The following GPC5 variants were observed in gnomAD, a reference collection of about 807,000 sequenced individuals.
GPC5 encodes the protein glypican-5.
In GPC5, 47 loss-of-function variants were observed where a neutral mutation model predicts 53.9. That is an observed-to-expected ratio of 0.87 (90% CI 0.69 to 1.11). The LOEUF (loss-of-function observed/expected upper bound fraction) is 1.11. GPC5 is among the 50% of genes most tolerant of loss of function. The pLI, the probability that GPC5 is intolerant of heterozygous loss-of-function variation, is 0.00. For synonymous variants in GPC5, 286 were observed against 263.3 expected (o/e 1.09, Z -0.84); for missense variants, 748 against 713.1 (o/e 1.05, Z -0.56).
At chr13:91,679,894 T>G (rs1008817806) in intron 2 of GPC5, among the ~76,000 whole-genome samples, 2 of 151,496 alleles carry the variant, frequency 1.3e-5, no homozygotes, top group Non-Finnish European at 2.9e-5. Flanking sequence ...TGCAATTGAG[T>G]TGCAAGCTGA....
At chr13:92,617,607 G>A (rs1884736302) in intron 7 of GPC5, among the ~76,000 whole-genome samples, 1 of 152,042 alleles carries the variant, frequency 6.6e-6, no homozygotes, top group South Asian at 2.1e-4. Context: ...CATTTCACTT[G>A]ATATGTATTT....
At chr13:91,797,671 C>T (rs1324806074) in intron 5 of GPC5, among the ~76,000 whole-genome samples, 1 of 152,170 alleles carries the variant, frequency 6.6e-6, no homozygotes, top group Non-Finnish European at 1.5e-5. Context: ...TCAGAGTCAG[C>T]GGTTTGAATG....
intron 7 of GPC5, among the ~76,000 whole-genome samples, chr13:92,217,571 C>G (rs1271342845): frequency 6.6e-6 from 1 of 152,196 alleles, no homozygotes; most frequent in Non-Finnish European, 1.5e-5. Context: ...CAAATTCCCA[C>G]TTGCCCATGC....
rs578211794 is a variant in GPC5, at chr13:92,221,124, T to C, written c.1561+76135T>C. On this transcript the variant is annotated intron_variant, in intron 7 of 7. Coordinates refer to ENST00000377067, the MANE Select transcript of GPC5 (RefSeq NM_004466.6). Reference sequence around the variant, plus strand: ...CATGGCAAAAGCTAGAAGTCCCTGATGTCTGTCTCAGAGGACTTGCTAGTT... The same window carrying C: ...CATGGCAAAAGCTAGAAGTCCCTGACGTCTGTCTCAGAGGACTTGCTAGTT... Among the ~76,000 whole-genome samples, 9 of 152,288 alleles carry C rather than the reference T, an allele frequency of 5.9e-5. No homozygotes were observed. The East Asian group carries it at 1.7e-3, about 29-fold the overall frequency.
chr13:92,350,459 C>T (rs1351212366), intron 7 of GPC5, among the ~76,000 whole-genome samples: 1 of 152,112 alleles, frequency 6.6e-6, no homozygotes, highest in African/African-American at 2.4e-5. Flanking sequence ...AATACATGTT[C>T]TCCCTTACGT....
At chr13:92,359,040 C>T (rs1276055685) in intron 7 of GPC5, among the ~76,000 whole-genome samples, 2 of 151,822 alleles carry the variant, frequency 1.3e-5, no homozygotes, top group East Asian at 1.9e-4. Flanking sequence ...ATTTTCCAAA[C>T]TTGTGTGTTC....
intron 7 of GPC5, among the ~76,000 whole-genome samples, chr13:92,267,423 T>C (rs1257784335): frequency 6.6e-6 from 1 of 152,118 alleles, no homozygotes; most frequent in African/African-American, 2.4e-5. Flanking sequence ...TCTACAATAC[T>C]GAACATTCTG....
chr13:92,349,445 G>A (rs2043456191), intron 7 of GPC5, among the ~76,000 whole-genome samples: 1 of 121,560 alleles, frequency 8.2e-6, no homozygotes, highest in East Asian at 2.1e-4. Flanking sequence ...CACCCAGCCA[G>A]GTTTTTTCTT....
At chr13:92,859,768 A>T (rs1011634992) in intron 7 of GPC5, among the ~76,000 whole-genome samples, 1 of 152,142 alleles carries the variant, frequency 6.6e-6, no homozygotes, top group African/African-American at 2.4e-5. Context: ...GATAAAAATC[A>T]TAACATCAGT....
chr13:91,847,482 T>C (rs2038865092), intron 5 of GPC5, among the ~76,000 whole-genome samples: 1 of 152,058 alleles, frequency 6.6e-6, no homozygotes, highest in Non-Finnish European at 1.5e-5. Context: ...GAATTAGGCA[T>C]GGTTTGCTCC....
intron 7 of GPC5, among the ~76,000 whole-genome samples, chr13:92,597,225 C>T (rs1294126549): frequency 6.6e-6 from 1 of 151,760 alleles, no homozygotes; most frequent in African/African-American, 2.4e-5. Flanking sequence ...CAACCATCCA[C>T]ATCCTCATCT....
At chr13:92,457,412 C>G (rs1282303704) in intron 7 of GPC5, among the ~76,000 whole-genome samples, 1 of 151,970 alleles carries the variant, frequency 6.6e-6, no homozygotes. Context: ...TTACCAGCAC[C>G]CTTCTCCTTC....
intron 2 of GPC5, among the ~76,000 whole-genome samples, chr13:91,678,546 A>G (rs190791365): frequency 1.4e-4 from 21 of 152,318 alleles, no homozygotes; most frequent in South Asian, 4.1e-4. Context: ...TCATATTAAT[A>G]TATTGTTATT....
At chr13:92,419,485 T>C (rs138732946) in intron 7 of GPC5, among the ~76,000 whole-genome samples, 208 of 152,328 alleles carry the variant, frequency 1.4e-3, no homozygotes, top group African/African-American at 4.8e-3. Context: ...AAATGACTAG[T>C]GTTAAATATT....
chr13:92,122,885 A>G (rs889746946), intron 6 of GPC5, among the ~76,000 whole-genome samples: 9 of 151,694 alleles, frequency 5.9e-5, no homozygotes, highest in African/African-American at 2.2e-4. Context: ...AGCAATTTTT[A>G]CAAATGATTT....
intron 6 of GPC5, among the ~76,000 whole-genome samples, chr13:92,129,513 CAT>C (rs1193745668): frequency 2.0e-5 from 3 of 152,158 alleles, no homozygotes; most frequent in Non-Finnish European, 2.9e-5. Context: ...CAACAAAACA[CAT>C]GTGCACAATA....
At chr13:92,224,640 T>A (rs57786284) in intron 7 of GPC5, among the ~76,000 whole-genome samples, 35,415 of 152,162 alleles carry the variant, frequency 0.23, 4,358 homozygotes, top group African/African-American at 0.31. Context: ...CATTTTCAGA[T>A]AGTCTGGAAT....
At chr13:92,357,696 G>A (rs912578129) in intron 7 of GPC5, among the ~76,000 whole-genome samples, 77 of 151,712 alleles carry the variant, frequency 5.1e-4, no homozygotes, top group Non-Finnish European at 9.6e-4. Flanking sequence ...GGCGAAAGGC[G>A]AAGAGGAAGG....
intron 2 of GPC5, among the ~76,000 whole-genome samples, chr13:91,505,427 G>A (rs1401150077): frequency 6.6e-6 from 1 of 152,142 alleles, no homozygotes; most frequent in Admixed American, 6.5e-5. Context: ...GAAGTCTAAG[G>A]CTCTTCCCCA....
Sources: allele counts gnomAD v4.1 joint callset (sites outside exome capture counted in the v4.1 genomes callset), GRCh38; gene constraint gnomAD v4.1.1; transcripts MANE v1.5; gene names NCBI Gene and HGNC (gene_info 2026-07-23, HGNC 2026-07-21).